Variants in DRC7 observed in about 807,000 individuals in gnomAD.
The protein encoded by DRC7 is dynein regulatory complex subunit 7.
DRC7 carries 80 observed loss-of-function variants against 104.4 expected under a neutral mutation model. That is an observed-to-expected ratio of 0.77 (90% confidence interval 0.64 to 0.92). The LOEUF (loss-of-function observed/expected upper bound fraction) is 0.92. DRC7 is among the 40% of genes least tolerant of loss of function. DRC7 has a pLI of 0.00. For missense variants in DRC7, 1,034 were observed against 1,141.1 expected, an observed-to-expected ratio of 0.91 and a Z score of 1.35; for synonymous variants, 405 against 447.3, an observed-to-expected ratio of 0.91 and a Z score of 1.19.
intron 1 of DRC7, among the ~76,000 whole-genome samples, chr16:57,695,628 C>T (rs2048585433): frequency 6.6e-6 from 1 of 152,342 alleles, no homozygotes; most frequent in African/African-American, 2.4e-5. Flanking sequence ...GAGGTTCTCC[C>T]CTGAGGATCT....
At chr16:57,702,243 C>T (rs547929793) in intron 6 of DRC7, 113 bp downstream of exon 6, 488 of 1,057,614 alleles carry the variant, frequency 4.6e-4, no homozygotes, top group African/African-American at 6.3e-4. Flanking sequence ...CCTGGCCACG[C>T]GGACACAGAT....
chr16:57,729,342 GTGGA>G (rs201363893), intron 17 of DRC7, among the ~76,000 whole-genome samples: 2 of 66,908 alleles, frequency 3.0e-5, no homozygotes. Context: ...GGATGGATGG[GTGGA>G]TGAGTGAGTG....
intron 1 of DRC7, among the ~76,000 whole-genome samples, chr16:57,696,227 T>C (rs1002164743): frequency 1.3e-5 from 2 of 152,278 alleles, no homozygotes; most frequent in African/African-American, 4.8e-5. Flanking sequence ...AGCTGAGGTT[T>C]CTTATATAAG....
chr16:57,726,655 G>A, intron 14 of DRC7, 177 bp from the exon 15 acceptor site: 1 of 565,744 alleles, frequency 1.8e-6, no homozygotes, highest in Middle Eastern at 4.4e-4. Flanking sequence ...TGAGTCTTCA[G>A]TTCCTCTTTT....
rs772726162 is a variant in DRC7, at chr16:57,707,480, G to A, written c.879G>A (p.Pro293=). The change falls in exon 8 of 19, where the codon CCG becomes CCA. Residue 293 remains proline, a synonymous_variant. Transcript: ENST00000360716. ...ERLMEAEKAK[P]DALHGLRVHS... is the part of the protein sequence containing the mutation. ...GGCAGGAAGCGGAGAAGGCAAAGCC[G>A]GATGCCCTGCACGGCCTGCGGGTGC... The A allele has an allele frequency of 2.2e-5, 36 of 1,612,894 alleles. 1 individual carries two copies. Among genetic ancestry groups the A allele is most frequent in the South Asian group, 1.6e-4 (15 of 91,068 alleles).
In DRC7 at chr16:57,700,187, C is replaced by G. The variant is rs200779747; in HGVS notation, c.421C>G (p.Pro141Ala). The G allele has an allele frequency of 9.2e-5, 149 of 1,613,062 alleles. No individual in the cohort carries two copies. The highest frequency in any genetic ancestry group is 5.3e-5 in the Non-Finnish European group (63 of 1,179,736). Residue 141 changes from proline (P) to alanine (A), a missense_variant, in exon 5 of 19, where the codon CCC (proline) becomes GCC (alanine). Transcript: ENST00000360716. Reference sequence around the variant, plus strand: ...CCTCCGGCCCACACTGATGCCCTACCCCGAGCTCTACAACTGGGACAGCTG... The same window carrying G: ...CCTCCGGCCCACACTGATGCCCTACGCCGAGCTCTACAACTGGGACAGCTG... ...TTLRPTLMPY[P>A]ELYNWDSCAQ...
chr16:57,719,915 A>C (rs994596212), intron 9 of DRC7, among the ~76,000 whole-genome samples: 1 of 152,242 alleles, frequency 6.6e-6, no homozygotes, highest in Admixed American at 6.5e-5. Flanking sequence ...GTAAGTGATC[A>C]AGACAACAAC....
rs776565575 is a variant in DRC7 at position 57,726,880 on chromosome 16, A to T, written c.2023A>T (p.Met675Leu). 6.2e-7 allele frequency: 1 copy of T among 1,613,360 alleles called. No individual in the cohort carries two copies. Among genetic ancestry groups the T allele is most frequent in the African/African-American group, 1.3e-5 (1 of 75,014 alleles). ...TKKLLYQYEAMMHLKREEKLS... is the reference protein window; with the variant it reads ...TKKLLYQYEALMHLKREEKLS... ...GAAGCTGCTCTACCAGTACGAGGCC[A>T]TGATGCACCTGAAGAGGGAGGAGAA... Residue 675 changes from methionine to leucine, a missense_variant, in exon 15 of 19, where the codon ATG becomes TTG. Coordinates refer to ENST00000360716, the MANE Select transcript of DRC7 (RefSeq NM_001289162.2).
Position 57,698,914 on chromosome 16 carries a change from A to G in DRC7, c.268A>G (p.Lys90Glu), listed in dbSNP as rs755662329. 6.2e-7 allele frequency: 1 copy of G among 1,614,110 alleles called. No homozygotes were observed. Among genetic ancestry groups the G allele is most frequent in the Non-Finnish European group, 8.5e-7 (1 of 1,179,994 alleles). ...CATTTCCTACAAAACCAACACACCC[A>G]AGGAGGAACACCTGCTGCAGGTGGC... ...LPISYKTNTP[K>E]EEHLLQVADN... Residue 90 changes from lysine to glutamate, a missense_variant, in exon 4 of 19, where the codon AAG becomes GAG. Transcript: ENST00000360716.
At chr16:57,700,082 C>A (rs1049407372) in intron 4 of DRC7, 63 bp from the exon 5 acceptor site, 1 of 1,570,978 alleles carries the variant, frequency 6.4e-7, no homozygotes, top group African/African-American at 1.3e-5. Flanking sequence ...AAGGAAGGCC[C>A]CAAGCTTGAT....
intron 14 of DRC7, chr16:57,726,626 G>A: frequency 1.8e-6 from 1 of 556,974 alleles, no homozygotes; most frequent in Non-Finnish European, 3.2e-6. Flanking sequence ...CACTCTCCCG[G>A]CACAGTCCCC....
At chr16:57,711,667 A>T (rs1443155492) in intron 8 of DRC7, among the ~76,000 whole-genome samples, 3 of 152,246 alleles carry the variant, frequency 2.0e-5, no homozygotes, top group Non-Finnish European at 4.4e-5. Flanking sequence ...CACGCAGAGC[A>T]GGCTGTGTAG....
At chr16:57,727,270 A>G (rs1334424461) in intron 15 of DRC7, 29 bp from the exon 16 acceptor site, 11 of 1,582,328 alleles carry the variant, frequency 7.0e-6, no homozygotes, top group African/African-American at 2.7e-5. Flanking sequence ...GGGTGTCTCC[A>G]TCACGCCCTC....
At chr16:57,729,890 G>A (rs1298360971) in intron 17 of DRC7, among the ~76,000 whole-genome samples, 3 of 126,782 alleles carry the variant, frequency 2.4e-5, no homozygotes, top group Non-Finnish European at 3.3e-5. Flanking sequence ...GAATGGATGG[G>A]TGGATGAGTG....
In DRC7 at chr16:57,723,035, A is replaced by G; in HGVS notation, c.1442A>G (p.Gln481Arg). The change falls in exon 12 of 19, where the codon CAG becomes CGG. Residue 481 changes from glutamine (Q) to arginine (R), a missense_variant. By Grantham distance (43) the Gln-to-Arg change is conservative. Coordinates refer to ENST00000360716, the MANE Select transcript of DRC7 (RefSeq NM_001289162.2). ...TNILEIKEWY[Q>R]NREDMLELKH... ...ATTTTGGAGATAAAGGAGTGGTACC[A>G]GAACCGGGAAGACATGCTGGAGCTG... 6.2e-7 allele frequency: 1 copy of G among 1,613,932 alleles called. No homozygotes were observed. The highest frequency in any genetic ancestry group is 1.1e-5 in the South Asian group (1 of 91,082).
chr16:57,710,739 T>C (rs2048784387), intron 8 of DRC7, among the ~76,000 whole-genome samples: 1 of 152,214 alleles, frequency 6.6e-6, no homozygotes, highest in Admixed American at 6.5e-5. Flanking sequence ...CTGAGTCTAT[T>C]GAGATTATTA....
rs1242355910 is a variant in DRC7 at position 57,726,224 on chromosome 16, G to A, written c.1915G>A (p.Glu639Lys). ...ASKREFLRRT[E>K]VDSKGNKIIM... ...CAAGCGCGAGTTCCTGCGGCGCACC[G>A]AGGTGGACAGCAAAGGCAACAAGAT... The change falls in exon 14 of 19, where the codon GAG becomes AAG. Residue 639 changes from glutamate to lysine, a missense_variant. Coordinates refer to ENST00000360716, the MANE Select transcript of DRC7 (RefSeq NM_001289162.2). 1 of 1,612,950 alleles carries A rather than the reference G, an allele frequency of 6.2e-7. No homozygotes were observed. The highest frequency in any genetic ancestry group is 8.5e-7 in the Non-Finnish European group (1 of 1,179,940).
intron 1 of DRC7, among the ~76,000 whole-genome samples, chr16:57,695,929 G>A (rs553751996): frequency 1.3e-5 from 2 of 152,352 alleles, no homozygotes; most frequent in African/African-American, 2.4e-5. Context: ...GTGTGGAGTT[G>A]GAAATTGGGG....
intron 7 of DRC7, among the ~76,000 whole-genome samples, chr16:57,705,496 CCTCCTACCCAACCTT>C: frequency 6.7e-6 from 1 of 148,720 alleles, no homozygotes; most frequent in African/African-American, 2.5e-5. Flanking sequence ...ATCCATCCAT[CCTCCTACCCAACCTT>C]CCATCCATCC....
Sources: allele counts gnomAD v4.1 joint callset (sites outside exome capture counted in the v4.1 genomes callset), GRCh38; gene constraint gnomAD v4.1.1; transcripts MANE v1.5; gene names NCBI Gene and HGNC (gene_info 2026-07-23, HGNC 2026-07-21).